The following LRBA variants were observed in gnomAD, a reference collection of about 807,000 sequenced individuals.
LRBA encodes the protein LPS responsive beige-like anchor protein, also known as lipopolysaccharide-responsive and beige-like anchor protein.
In LRBA, 176 loss-of-function variants were observed where a neutral mutation model predicts 330.0. The ratio of observed to expected loss-of-function variants is 0.53; its 90% CI spans 0.47 to 0.60. LRBA has a LOEUF of 0.60. Ranked by LOEUF, LRBA falls within the 20% of genes least tolerant of loss-of-function variation. The pLI is 0.00. For missense variants in LRBA, 3,259 were observed against 3,444.8 expected, an observed-to-expected ratio of 0.95 and a Z score of 1.35; for synonymous variants, 1,230 against 1,193.0, an observed-to-expected ratio of 1.03 and a Z score of -0.64.
At chr4:150,869,102 G>A (rs553486094) in intron 20 of LRBA, among the ~76,000 whole-genome samples, 8 of 151,872 alleles carry the variant, frequency 5.3e-5, no homozygotes, top group African/African-American at 1.7e-4. Context: ...TGTATTTTTA[G>A]TAGAGACAGC....
chr4:150,643,268 A>C (rs1490728776), intron 37 of LRBA, among the ~76,000 whole-genome samples: 1 of 151,956 alleles, frequency 6.6e-6, no homozygotes, highest in East Asian at 1.9e-4. Context: ...CCATATGCCA[A>C]GCACTAAGGA....
At chr4:150,586,539 G>A (rs1040417325) in intron 40 of LRBA, among the ~76,000 whole-genome samples, 1 of 152,110 alleles carries the variant, frequency 6.6e-6, no homozygotes, top group Non-Finnish European at 1.5e-5. Flanking sequence ...ATTGGCAGGA[G>A]TTTTAACTTC....
intron 47 of LRBA, among the ~76,000 whole-genome samples, chr4:150,388,551 C>A (rs1227292259): frequency 3.3e-5 from 5 of 152,284 alleles, no homozygotes; most frequent in African/African-American, 1.2e-4. Flanking sequence ...CCTCTGAAGT[C>A]AGACAGATTA....
At chr4:150,992,963 A>G (rs1209662590) in intron 2 of LRBA, among the ~76,000 whole-genome samples, 1 of 152,188 alleles carries the variant, frequency 6.6e-6, no homozygotes, top group Non-Finnish European at 1.5e-5. Context: ...ACAGTATCTT[A>G]GATATAGCAG....
intron 47 of LRBA, among the ~76,000 whole-genome samples, chr4:150,389,676 C>CAAAAAAAA (rs34170088): frequency 2.1e-3 from 171 of 79,606 alleles, no homozygotes; most frequent in African/African-American, 3.8e-3. Flanking sequence ...GACTCTGTCT[C>CAAAAAAAA]AAAAAAAAAA....
At chr4:150,913,318 T>C (rs1416058670) in intron 9 of LRBA, among the ~76,000 whole-genome samples, 2 of 152,004 alleles carry the variant, frequency 1.3e-5, no homozygotes, top group African/African-American at 2.4e-5. Flanking sequence ...AATTACAAAA[T>C]TAGCTGGGTG....
At chr4:150,658,758 T>C (rs1449710080) in intron 37 of LRBA, among the ~76,000 whole-genome samples, 1 of 8,346 alleles carries the variant, frequency 1.2e-4, no homozygotes, top group Non-Finnish European at 5.2e-4. Flanking sequence ...TCCCTCTCCC[T>C]CTCCCTCTCC....
intron 38 of LRBA, among the ~76,000 whole-genome samples, chr4:150,598,708 A>G (rs1284517920): frequency 2.0e-5 from 3 of 152,154 alleles, no homozygotes; most frequent in Admixed American, 2.0e-4. Flanking sequence ...TCCTGGATTC[A>G]TTTACTCAAA....
At chr4:150,723,036 C>A (rs80057926) in intron 36 of LRBA, among the ~76,000 whole-genome samples, 4,220 of 152,126 alleles carry the variant, frequency 0.028, 181 homozygotes, top group African/African-American at 0.096. Context: ...ATGACATATC[C>A]CAGGGGACAG....
chr4:150,626,057 A>G (rs1057123457), intron 37 of LRBA, among the ~76,000 whole-genome samples: 2 of 152,008 alleles, frequency 1.3e-5, no homozygotes, highest in East Asian at 3.9e-4. Context: ...TGAAAAAACA[A>G]TTGGATTAAT....
intron 36 of LRBA, among the ~76,000 whole-genome samples, chr4:150,730,186 A>G (rs149550318): frequency 4.7e-4 from 72 of 152,370 alleles, no homozygotes; most frequent in Non-Finnish European, 8.1e-4. Flanking sequence ...AGCAAAGGAA[A>G]CAGTCAACAA....
chr4:150,946,580 T>C (rs982064302), intron 2 of LRBA, among the ~76,000 whole-genome samples: 1 of 150,574 alleles, frequency 6.6e-6, no homozygotes, highest in African/African-American at 2.4e-5. Flanking sequence ...TGAATCAAAA[T>C]AAAAATATAA....
chr4:150,765,997 G>A (rs1182238926), intron 34 of LRBA, among the ~76,000 whole-genome samples: 2 of 151,974 alleles, frequency 1.3e-5, no homozygotes, highest in South Asian at 2.1e-4. Flanking sequence ...AAACAAATTA[G>A]ACATGAAGGT....
intron 4 of LRBA, among the ~76,000 whole-genome samples, chr4:150,922,289 A>G (rs1433400770): frequency 1.3e-5 from 2 of 151,950 alleles, no homozygotes; most frequent in Non-Finnish European, 2.9e-5. Flanking sequence ...AGGTACTTCA[A>G]AAAGATACTT....
intron 37 of LRBA, among the ~76,000 whole-genome samples, chr4:150,676,014 T>C (rs1333086861): frequency 1.3e-5 from 2 of 152,190 alleles, no homozygotes; most frequent in African/African-American, 4.8e-5. Flanking sequence ...TTATTTGTGT[T>C]AACATCTCCC....
At chr4:150,794,750 A>G (rs1740497401) in intron 34 of LRBA, among the ~76,000 whole-genome samples, 1 of 152,154 alleles carries the variant, frequency 6.6e-6, no homozygotes, top group Admixed American at 6.5e-5. Context: ...CTGCTAATTA[A>G]TTACTCAGAC....
In LRBA at chr4:150,576,930, T is replaced by TA. The variant is rs546285377; in HGVS notation, c.6330+11117dup. ...CCCTTGGGTTACTAATCAAAGAGAG[T>TA]AAAAAAAAATTTTTTTTATTAAGGC... On this transcript the variant is annotated intron_variant, in intron 40 of 56. Transcript: ENST00000651943. 3.9e-3 allele frequency among the ~76,000 whole-genome samples: 596 copies of TA among 151,642 alleles called. 6 individuals carry two copies. Among genetic ancestry groups the TA allele is most frequent in the African/African-American group, 0.011 (464 of 41,440 alleles).
At chr4:150,385,063 C>T (rs1029360642) in intron 47 of LRBA, among the ~76,000 whole-genome samples, 2 of 152,076 alleles carry the variant, frequency 1.3e-5, no homozygotes, top group Admixed American at 6.5e-5. Flanking sequence ...GAACAGCCAA[C>T]ATTTATAGCA....
chr4:150,327,128 T>C (rs1733381205), intron 48 of LRBA, among the ~76,000 whole-genome samples: 2 of 152,164 alleles, frequency 1.3e-5, no homozygotes, highest in Admixed American at 6.5e-5. Flanking sequence ...GAGAACTTTA[T>C]ATCTTTTTGA....
Sources: allele counts gnomAD v4.1 joint callset (sites outside exome capture counted in the v4.1 genomes callset), GRCh38; gene constraint gnomAD v4.1.1; transcripts MANE v1.5; gene names NCBI Gene and HGNC (gene_info 2026-07-23, HGNC 2026-07-21).